Variants in HPCAL1 observed in about 807,000 individuals in gnomAD.
HPCAL1 encodes the protein hippocalcin like 1.
In HPCAL1, 8 loss-of-function variants were observed where a neutral mutation model predicts 17.1. That is an observed-to-expected ratio of 0.47 (90% CI 0.27 to 0.84). The LOEUF (loss-of-function observed/expected upper bound fraction) is 0.84, where lower values mean the gene tolerates loss of function less well. Among genes scored for constraint, HPCAL1 ranks in the 40% least tolerant of loss-of-function variants. HPCAL1 has a pLI of 0.13. For synonymous variants in HPCAL1, 112 were observed against 111.4 expected, an observed-to-expected ratio of 1.01 and a Z score of -0.03; for missense variants, 165 against 271.1, an observed-to-expected ratio of 0.61 and a Z score of 2.75.
chr2:10,349,165 G>A (rs1665664157), intron 1 of HPCAL1, among the ~76,000 whole-genome samples: 2 of 152,022 alleles, frequency 1.3e-5, no homozygotes, highest in Non-Finnish European at 2.9e-5. Flanking sequence ...ATTAACAGGC[G>A]GTAATGGAAT....
chr2:10,316,587 G>T (rs536648503), intron 1 of HPCAL1, among the ~76,000 whole-genome samples: 1 of 152,294 alleles, frequency 6.6e-6, no homozygotes, highest in East Asian at 1.9e-4. Flanking sequence ...GGTTTAATCT[G>T]TTTGAGTCCA....
chr2:10,344,149 A>G lies in HPCAL1; in HGVS notation c.-111+40972A>G, dbSNP rs1665261286. Among the ~76,000 whole-genome samples the G allele has an allele frequency of 6.6e-6, 1 of 152,172 alleles. No individual in the cohort carries two copies. Among genetic ancestry groups the G allele is most frequent in the Admixed American group, 6.5e-5 (1 of 15,276 alleles). On this transcript the variant is annotated intron_variant, in intron 1 of 4. Transcript: ENST00000307845. This position sits in a 1 kb window ranked among gnomAD's most constrained non-coding sequence, Gnocchi z 4.9. The stretch of plus-strand genomic sequence containing the variant: ...AGCAGACGGTTGAGGACTGCAGTGA[A>G]CTCATTAACCCTACAGCTTTGATCT...
In HPCAL1 at chr2:10,359,717, A is replaced by G. The variant is rs538336377; in HGVS notation, c.-110-37118A>G. Reference sequence around the variant, plus strand: ...ACCACACTCCCTGAAGGGCAGTGGCAAGGCCAGGCCAGCACCTCTCCACTC... The same window carrying G: ...ACCACACTCCCTGAAGGGCAGTGGCGAGGCCAGGCCAGCACCTCTCCACTC... On this transcript the variant is annotated intron_variant, in intron 1 of 4. Coordinates refer to ENST00000307845, the MANE Select transcript of HPCAL1 (RefSeq NM_002149.4). This position sits in a 1 kb window ranked among gnomAD's most constrained non-coding sequence, Gnocchi z 4.1. Among the ~76,000 whole-genome samples the G allele has an allele frequency of 1.3e-5, 2 of 152,322 alleles. No homozygotes were observed. The highest frequency in any genetic ancestry group is 3.9e-4 in the East Asian group (2 of 5,182).
Position 10,395,712 on chromosome 2 carries a change from G to C in HPCAL1, c.-110-1123G>C, listed in dbSNP as rs898451318. ...AAACGGGCCGTCAGGTGAAGTGACT[G>C]TCAGGATTCCATCCTGGCTCGGCCC... On this transcript the variant is annotated intron_variant, in intron 1 of 4. Coordinates refer to ENST00000307845, the MANE Select transcript of HPCAL1 (RefSeq NM_002149.4). This position sits in a 1 kb window ranked among gnomAD's most constrained non-coding sequence, Gnocchi z 4.4. Among the ~76,000 whole-genome samples the C allele has an allele frequency of 2.6e-5, 4 of 152,230 alleles. No homozygotes were observed. The highest frequency in any genetic ancestry group is 9.7e-5 in the African/African-American group (4 of 41,450).
intron 1 of HPCAL1, among the ~76,000 whole-genome samples, chr2:10,370,864 C>T (rs1295520928): frequency 4.6e-5 from 7 of 152,208 alleles, no homozygotes; most frequent in Non-Finnish European, 7.3e-5. Context: ...CCTTCATCCC[C>T]GTGGGGCTCA....
intron 2 of HPCAL1, among the ~76,000 whole-genome samples, chr2:10,405,846 G>T (rs567620924): frequency 1.3e-5 from 2 of 152,350 alleles, no homozygotes; most frequent in South Asian, 4.1e-4. Flanking sequence ...AGTATCTCCA[G>T]CCTGCTGTGC....
At chr2:10,380,730 C>T (rs1349186202) in intron 1 of HPCAL1, among the ~76,000 whole-genome samples, 1 of 152,156 alleles carries the variant, frequency 6.6e-6, no homozygotes, top group Non-Finnish European at 1.5e-5. Context: ...GGAAGCCTTC[C>T]CAGATTCCAG....
At chr2:10,320,220 C>A (rs1202452801) in intron 1 of HPCAL1, among the ~76,000 whole-genome samples, 1 of 152,150 alleles carries the variant, frequency 6.6e-6, no homozygotes. Flanking sequence ...CTTATCTTTC[C>A]ACTTGGTTAG....
chr2:10,333,139 C>A (rs769781935), intron 1 of HPCAL1, among the ~76,000 whole-genome samples: 2 of 152,218 alleles, frequency 1.3e-5, no homozygotes, highest in African/African-American at 2.4e-5. Flanking sequence ...TTTAATCAGC[C>A]TCTTGGGCAT....
chr2:10,336,985 T>TCC (rs1664762070), intron 1 of HPCAL1, among the ~76,000 whole-genome samples: 2 of 152,184 alleles, frequency 1.3e-5, no homozygotes, highest in African/African-American at 4.8e-5. Context: ...ACTCCTGGCC[T>TCC]CAAGTGTTCT....
Position 10,343,420 on chromosome 2 carries a change from G to A in HPCAL1, c.-111+40243G>A, listed in dbSNP as rs988298453. Among the ~76,000 whole-genome samples the A allele has an allele frequency of 3.9e-5, 6 of 152,230 alleles. No homozygotes were observed. The highest frequency in any genetic ancestry group is 9.6e-5 in the African/African-American group (4 of 41,456). On this transcript the variant is annotated intron_variant, in intron 1 of 4. Coordinates refer to ENST00000307845, the MANE Select transcript of HPCAL1 (RefSeq NM_002149.4). This position sits in a 1 kb window ranked among gnomAD's most constrained non-coding sequence, Gnocchi z 4.8. The stretch of plus-strand genomic sequence containing the variant: ...CACCATATCTCCCTCCAGGACTCCC[G>A]GGTGGGAGGTGGGTGTTTGCATAGG...
At chr2:10,333,345 G>A (rs868370368) in intron 1 of HPCAL1, among the ~76,000 whole-genome samples, 11 of 152,162 alleles carry the variant, frequency 7.2e-5, no homozygotes, top group African/African-American at 2.7e-4. Flanking sequence ...GCTGTCTGTT[G>A]GAGGTCAAGG....
intron 2 of HPCAL1, among the ~76,000 whole-genome samples, chr2:10,418,464 A>C (rs1015430526): frequency 6.6e-5 from 10 of 150,968 alleles, no homozygotes; most frequent in East Asian, 3.9e-4. Flanking sequence ...AAAAAAAAAA[A>C]AAAAAAACAA....
In HPCAL1 at chr2:10,399,235, CCACCA is replaced by C. The variant is rs1558517476; in HGVS notation, c.-25+2316_-25+2320del. Among the ~76,000 whole-genome samples the C allele has an allele frequency of 9.0e-4, 74 of 82,034 alleles. 10 individuals are homozygous for C. The highest frequency in any genetic ancestry group is 2.2e-3 in the African/African-American group (49 of 22,064). 53.8% of individuals were successfully genotyped at this position (82,034 alleles called of 152,430 possible). On this transcript the variant is annotated intron_variant, in intron 2 of 4. Coordinates refer to ENST00000307845, the MANE Select transcript of HPCAL1 (RefSeq NM_002149.4). ...ACCACCACCACCACCACCACCACCA[CCACCA>C]TCACCACCACCACCACCACCATCAC... is the stretch of plus-strand genomic sequence containing the variant.
chr2:10,395,012 G>T lies in HPCAL1; in HGVS notation c.-110-1823G>T, dbSNP rs1204936101. ...GCATTTCATCATGTTGCCCAGGGTGGTCTCGAACTCCTGGAGTCAAGCAAT... is the reference window on the plus strand; with the variant it reads ...GCATTTCATCATGTTGCCCAGGGTGTTCTCGAACTCCTGGAGTCAAGCAAT... On this transcript the variant is annotated intron_variant, in intron 1 of 4. Transcript: ENST00000307845. The surrounding 1 kb of genome is among the most constrained non-coding windows in gnomAD (Gnocchi z 4.4). 2.6e-5 allele frequency among the ~76,000 whole-genome samples: 4 copies of T among 151,804 alleles called. No homozygotes were observed. Among genetic ancestry groups the T allele is most frequent in the African/African-American group, 9.7e-5 (4 of 41,260 alleles).
rs55897775 is a variant in HPCAL1, at chr2:10,349,702, CAAAAAAAAAAAAAAAAAAAAAA to C, written c.-111+46541_-111+46562del. On this transcript the variant is annotated intron_variant, in intron 1 of 4. Coordinates refer to ENST00000307845, the MANE Select transcript of HPCAL1 (RefSeq NM_002149.4). ...TGGGTGACAGAGCAAGACTCTGTCT[CAAAAAAAAAAAAAAAAAAAAAA>C]AAAAAAAAAAAAAAAGATATAGACA... is the stretch of plus-strand genomic sequence containing the variant. Among the ~76,000 whole-genome samples the C allele has an allele frequency of 3.5e-3, 183 of 52,734 alleles. 3 individuals carry two copies. The highest frequency in any genetic ancestry group is 6.5e-4 in the Non-Finnish European group (20 of 30,878). 34.6% of individuals were successfully genotyped at this position (52,734 alleles called of 152,430 possible).
At position 10,420,243 on chromosome 2, in the gene HPCAL1, C is replaced by A. The variant is rs966277852; in HGVS notation, c.378+108C>A. 4.2e-6 allele frequency: 4 copies of A among 946,162 alleles called. No individual in the cohort carries two copies. In the Admixed American group the frequency reaches 1.4e-4, roughly 33 times the overall value. The allele number at this position is 946,162 out of a possible 1,614,324, so 58.6% of individuals were successfully genotyped here. A position where few individuals can be genotyped will look rare whatever the true frequency, so the allele number is the denominator to read the frequency against. On this transcript the variant is annotated intron_variant, in intron 3 of 4. Coordinates refer to ENST00000307845, the MANE Select transcript of HPCAL1 (RefSeq NM_002149.4). ...TTTTTTTTTTTTTTAAGACAGGAAT[C>A]TTGCTCTAGTGACTGGAGTGCAGTG...
chr2:10,419,826 C>A lies in HPCAL1; in HGVS notation c.69C>A (p.Thr23=). The A allele has an allele frequency of 6.2e-7, 1 of 1,613,642 alleles. No homozygotes were observed. The highest frequency in any genetic ancestry group is 8.5e-7 in the Non-Finnish European group (1 of 1,179,950). ...ACCTGCGGGAGAACACGGAGTTCAC[C>A]GACCACGAGCTGCAGGAGTGGTACA... is the stretch of plus-strand genomic sequence containing the variant. The part of the protein sequence containing the change: ...LQDLRENTEF[T]DHELQEWYKG... The change falls in exon 3 of 5, where the codon ACC becomes ACA. Residue 23 remains threonine, a synonymous_variant. Coordinates refer to ENST00000307845, the MANE Select transcript of HPCAL1 (RefSeq NM_002149.4). The surrounding 1 kb of genome is among the most constrained non-coding windows in gnomAD (Gnocchi z 5.0).
chr2:10,415,931 C>A (rs953548338), intron 2 of HPCAL1, among the ~76,000 whole-genome samples: 11 of 152,240 alleles, frequency 7.2e-5, no homozygotes, highest in Non-Finnish European at 1.5e-5. Context: ...AGTGGCCCCA[C>A]ACAGCAACCC....
Sources: gnomAD v4.1 joint callset for allele counts (sites outside exome capture counted in the v4.1 genomes callset) on GRCh38, gnomAD v4.1.1 for gene constraint, Gnocchi (gnomAD v3.1) non-coding constraint, MANE v1.5 for transcripts, NCBI Gene and HGNC (gene_info 2026-07-23, HGNC 2026-07-21) for gene names.